Variants in ANO2 observed in about 807,000 individuals in gnomAD.
The protein encoded by ANO2 is anoctamin-2.
ANO2 carries 101 observed loss-of-function variants against 124.2 expected under a neutral mutation model. The ratio of observed to expected loss-of-function variants is 0.81; its 90% CI spans 0.69 to 0.96. The LOEUF is 0.96. ANO2 is among the 40% of genes least tolerant of loss of function. ANO2 has a pLI of 0.00. For synonymous variants in ANO2, 486 were observed against 482.5 expected, an observed-to-expected ratio of 1.01 and a Z score of -0.09; for missense variants, 1,293 against 1,274.5, an observed-to-expected ratio of 1.01 and a Z score of -0.22.
intron 19 of ANO2, among the ~76,000 whole-genome samples, chr12:5,607,090 T>G (rs1324471674): frequency 6.7e-6 from 1 of 149,220 alleles, no homozygotes; most frequent in East Asian, 1.9e-4. Context: ...AATCTGGCCT[T>G]TAAAATGAAT....
chr12:5,578,285 C>G (rs1942536440), intron 21 of ANO2, 81 bp downstream of exon 21: 1 of 1,529,186 alleles, frequency 6.5e-7, no homozygotes, highest in African/African-American at 1.4e-5. Context: ...CCTCTTGATT[C>G]CTGGTGTGGT....
At position 5,563,375 on chromosome 12, in the gene ANO2, G is replaced by T. The variant is rs1941553991; in HGVS notation, c.2921C>A (p.Ala974Glu). ...PGGGDRSRSR[A>E]ASSAPSGQSQ... ...TTGGCCTGAAGGTGCTGAGCTGGCTGCCCGGCTCCTGCTTCGATCCCCACC... is the reference window on the plus strand; with the variant it reads ...TTGGCCTGAAGGTGCTGAGCTGGCTTCCCGGCTCCTGCTTCGATCCCCACC... The change falls in exon 25 of 25, where the codon GCA (alanine) becomes GAA (glutamate). Residue 974 changes from alanine to glutamate, a missense_variant. Coordinates refer to ENST00000682330, the MANE Select transcript of ANO2 (RefSeq NM_001364791.2). 3 of 1,605,214 alleles carry T rather than the reference G, an allele frequency of 1.9e-6. No homozygotes were observed. The highest frequency in any genetic ancestry group is 1.3e-5 in the African/African-American group (1 of 74,762).
chr12:5,684,871 G>A (rs974395276), intron 14 of ANO2, among the ~76,000 whole-genome samples: 2 of 152,216 alleles, frequency 1.3e-5, no homozygotes, highest in African/African-American at 4.8e-5. Flanking sequence ...GGAGTCAGGG[G>A]TCCTGGGTGC....
intron 20 of ANO2, among the ~76,000 whole-genome samples, chr12:5,597,131 G>A (rs1943701708): frequency 2.0e-5 from 3 of 152,128 alleles, no homozygotes; most frequent in Admixed American, 6.5e-5. Flanking sequence ...AGGGGTGCAA[G>A]TGCAGGTTTG....
In ANO2 at chr12:5,599,617, T is replaced by C; in HGVS notation, c.2100A>G (p.Lys700=). ...TCTCATCTTTCAGCTTTCGAAATAG[T>C]TTCTTTAGCTTCCTGGAAAAGAAAT... ...IFEIGVPKLK[K]LFRKLKDETE... is the part of the protein sequence containing the mutation. Residue 700 remains lysine (K), a synonymous_variant, in exon 20 of 25, where the codon AAA becomes AAG. Coordinates refer to ENST00000682330, the MANE Select transcript of ANO2 (RefSeq NM_001364791.2). 1.9e-6 allele frequency: 3 copies of C among 1,613,692 alleles called. No homozygotes were observed. Among genetic ancestry groups the C allele is most frequent in the Non-Finnish European group, 2.5e-6 (3 of 1,179,832 alleles).
At chr12:5,784,450 A>G (rs1174578294) in intron 10 of ANO2, among the ~76,000 whole-genome samples, 3 of 152,204 alleles carry the variant, frequency 2.0e-5, no homozygotes, top group Non-Finnish European at 4.4e-5. Flanking sequence ...TGAATCGTTG[A>G]GTAGACTGAA....
chr12:5,826,195 G>A (rs555655360), intron 7 of ANO2, among the ~76,000 whole-genome samples: 83 of 152,218 alleles, frequency 5.5e-4, no homozygotes, highest in African/African-American at 6.7e-4. Context: ...CCGGTTGTAC[G>A]AAGGATAGTT....
In ANO2 at chr12:5,628,700, G is replaced by A. The variant is rs138212622; in HGVS notation, c.1816+6452C>T. Among the ~76,000 whole-genome samples, 803 of 152,028 alleles carry A rather than the reference G, an allele frequency of 5.3e-3. 6 individuals are homozygous for A. The highest frequency in any genetic ancestry group is 0.017 in the Middle Eastern group (5 of 294). ...TGTGTGTGTGTGTGCGCGCGCGCACGCGTGCGTGCACATGTGCATGCATGC... is the reference window on the plus strand; with the variant it reads ...TGTGTGTGTGTGTGCGCGCGCGCACACGTGCGTGCACATGTGCATGCATGC... On this transcript the variant is annotated intron_variant, in intron 16 of 24. Transcript: ENST00000682330.
At chr12:5,694,284 A>AGAGAGAGAGAGAGAGAGAG (rs55758114) in intron 14 of ANO2, among the ~76,000 whole-genome samples, 6 of 150,818 alleles carry the variant, frequency 4.0e-5, no homozygotes, top group East Asian at 3.9e-4. Context: ...AGAGAGAGAG[A>AGAGAGAGAGAGAGAGAGAG]ATAAAACAGA....
chr12:5,771,508 C>T (rs1218284510), intron 10 of ANO2, among the ~76,000 whole-genome samples: 1 of 129,032 alleles, frequency 7.8e-6, no homozygotes, highest in Non-Finnish European at 1.7e-5. Context: ...GGCTGGGCGC[C>T]GTGGCTTATG....
rs1254455943 is a variant in ANO2, at chr12:5,647,763, T to G, written c.1584A>C (p.Pro528=). Residue 528 remains proline (P), a synonymous_variant, in exon 15 of 25, where the codon CCA becomes CCC. Coordinates refer to ENST00000682330, the MANE Select transcript of ANO2 (RefSeq NM_001364791.2). ...EDKLTWKDRF[P]GYLMNFASIL... ...TGGAGGCAAAGTTCATCAGGTAACCTGGGAAACGATCCTTCCAGGTCAGTT... is the reference window on the plus strand; with the variant it reads ...TGGAGGCAAAGTTCATCAGGTAACCGGGGAAACGATCCTTCCAGGTCAGTT... 1.9e-6 allele frequency: 3 copies of G among 1,610,356 alleles called. No individual in the cohort carries two copies. In the East Asian group the frequency reaches 6.7e-5, roughly 36 times the overall value.
At chr12:5,637,936 G>A (rs1454898627) in intron 15 of ANO2, among the ~76,000 whole-genome samples, 5 of 152,110 alleles carry the variant, frequency 3.3e-5, no homozygotes, top group Admixed American at 2.0e-4. Context: ...ATGAAGAAAC[G>A]GGCATGGAAA....
At position 5,752,384 on chromosome 12, in the gene ANO2, G is replaced by A. The variant is rs539776137; in HGVS notation, c.1056-1414C>T. On this transcript the variant is annotated intron_variant, in intron 10 of 24. Coordinates refer to ENST00000682330, the MANE Select transcript of ANO2 (RefSeq NM_001364791.2). The stretch of plus-strand genomic sequence containing the variant: ...GCACCAACACTTTTTATCTTTTGTT[G>A]TTGGACAATAGCATTCTAATAAGTG... Among the ~76,000 whole-genome samples the A allele has an allele frequency of 5.1e-4, 78 of 152,218 alleles. 3 individuals carry two copies. The South Asian group carries it at 0.016, about 31-fold the overall frequency.
At chr12:5,864,464 C>T (rs1486700644) in intron 3 of ANO2, among the ~76,000 whole-genome samples, 2 of 152,220 alleles carry the variant, frequency 1.3e-5, no homozygotes, top group Non-Finnish European at 2.9e-5. Context: ...AAGGAAAATG[C>T]TGCTGTTTCC....
chr12:5,739,115 A>C, intron 13 of ANO2: 2 of 679,680 alleles, frequency 2.9e-6, no homozygotes, highest in Non-Finnish European at 5.4e-6. Flanking sequence ...GCTCAAGGGA[A>C]GAGGGGGTAC....
At chr12:5,570,154 C>T (rs960072729) in intron 23 of ANO2, among the ~76,000 whole-genome samples, 1 of 152,148 alleles carries the variant, frequency 6.6e-6, no homozygotes, top group Admixed American at 6.5e-5. Flanking sequence ...TGTGAAAACT[C>T]ACATTGATTG....
chr12:5,661,889 G>C (rs554170454), intron 14 of ANO2, among the ~76,000 whole-genome samples: 49 of 152,344 alleles, frequency 3.2e-4, no homozygotes, highest in African/African-American at 1.1e-3. Context: ...TCTGTGAACA[G>C]ATTCTCTGAG....
At chr12:5,731,550 AT>A (rs1950635786) in intron 14 of ANO2, among the ~76,000 whole-genome samples, 1 of 151,866 alleles carries the variant, frequency 6.6e-6, no homozygotes, top group African/African-American at 2.4e-5. Flanking sequence ...ATCTAGTGGA[AT>A]TTTTTTTCAA....
rs998489088 is a variant in ANO2, at chr12:5,748,233, C to G, written c.1190+2603G>C. 2.0e-5 allele frequency among the ~76,000 whole-genome samples: 3 copies of G among 152,292 alleles called. 1 individual carries two copies. The highest frequency in any genetic ancestry group is 2.0e-4 in the Admixed American group (3 of 15,298). On this transcript the variant is annotated intron_variant, in intron 11 of 24. Transcript: ENST00000682330. ...GCCACGTGTATTACCATGTGGGGAC[C>G]CGGGGCACAAGTTCTAAATCCTGAT...
Sources: allele counts gnomAD v4.1 joint callset (sites outside exome capture counted in the v4.1 genomes callset), GRCh38; gene constraint gnomAD v4.1.1; transcripts MANE v1.5; gene names NCBI Gene and HGNC (gene_info 2026-07-23, HGNC 2026-07-21).